Variants in RSU1 observed in about 807,000 individuals in gnomAD.
RSU1 encodes Ras suppressor protein 1.
Under a neutral mutation model 31.1 loss-of-function variants are expected in RSU1, and 26 were observed. That is an observed-to-expected ratio of 0.84 (90% CI 0.61 to 1.16). The LOEUF (loss-of-function observed/expected upper bound fraction) is 1.16. Ranked by LOEUF, RSU1 falls within the 50% of genes most tolerant of loss-of-function variation. RSU1 has a pLI of 0.00. For missense variants in RSU1, 320 were observed against 339.1 expected (o/e 0.94, Z 0.44); for synonymous variants, 164 against 136.3 (o/e 1.20, Z -1.41).
At chr10:16,613,079 C>T (rs544678261) in intron 8 of RSU1, among the ~76,000 whole-genome samples, 3 of 152,272 alleles carry the variant, frequency 2.0e-5, no homozygotes, top group Non-Finnish European at 4.4e-5. Context: ...TTTCCAAAAT[C>T]ATCATCGCCT....
chr10:16,714,061 G>A (rs1262144712), intron 7 of RSU1, among the ~76,000 whole-genome samples: 2 of 152,186 alleles, frequency 1.3e-5, no homozygotes, highest in African/African-American at 4.8e-5. Flanking sequence ...CTGTTGGGCT[G>A]AATATGTATG....
chr10:16,747,016 A>G (rs1246646456), intron 7 of RSU1, among the ~76,000 whole-genome samples: 1 of 152,040 alleles, frequency 6.6e-6, no homozygotes, highest in Non-Finnish European at 1.5e-5. Context: ...CCCAACCCCC[A>G]TCTGTCTCAT....
chr10:16,804,391 G>C (rs11254201), intron 2 of RSU1, among the ~76,000 whole-genome samples: 10,412 of 152,212 alleles, frequency 0.068, 575 homozygotes, highest in African/African-American at 0.15. Flanking sequence ...ACAGCCACTC[G>C]AGAAGACAGC....
At chr10:16,812,583 T>C (rs969831919) in intron 2 of RSU1, among the ~76,000 whole-genome samples, 1 of 152,236 alleles carries the variant, frequency 6.6e-6, no homozygotes, top group South Asian at 2.1e-4. Context: ...AACAAGACTT[T>C]TGAGATAGCT....
intron 2 of RSU1, among the ~76,000 whole-genome samples, chr10:16,785,525 T>TAA (rs199799205): frequency 0.012 from 1,738 of 139,092 alleles, 73 homozygotes; most frequent in African/African-American, 0.046. Flanking sequence ...TATATATATA[T>TAA]AATATTAGTT....
intron 8 of RSU1, among the ~76,000 whole-genome samples, chr10:16,634,312 A>C (rs1169248534): frequency 6.6e-6 from 1 of 152,228 alleles, no homozygotes; most frequent in Non-Finnish European, 1.5e-5. Context: ...GTACTGCAAA[A>C]GTAATAGAGG....
chr10:16,681,140 T>A (rs4748309), intron 8 of RSU1, among the ~76,000 whole-genome samples: 12,037 of 152,272 alleles, frequency 0.079, 878 homozygotes, highest in East Asian at 0.36. Flanking sequence ...CATGAAATTA[T>A]GAGTAAGTTC....
At chr10:16,715,876 A>G (rs1836129481) in intron 7 of RSU1, among the ~76,000 whole-genome samples, 1 of 152,248 alleles carries the variant, frequency 6.6e-6, no homozygotes, top group East Asian at 1.9e-4. Flanking sequence ...CATTAAATCT[A>G]CAGATTGCTT....
chr10:16,660,643 C>CTTTTTTT (rs1483500175), intron 8 of RSU1, among the ~76,000 whole-genome samples: 10 of 47,554 alleles, frequency 2.1e-4, no homozygotes, highest in Non-Finnish European at 2.9e-4. Flanking sequence ...TTCTTGAACT[C>CTTTTTTT]TCTTTTTTTT....
intron 2 of RSU1, among the ~76,000 whole-genome samples, chr10:16,788,234 G>C (rs72771319): frequency 0.03 from 4,580 of 152,262 alleles, 68 homozygotes; most frequent in Non-Finnish European, 0.037. Flanking sequence ...TCTCTCATAG[G>C]CAGTCCAGAG....
chr10:16,644,252 A>G (rs1429390271), intron 8 of RSU1, among the ~76,000 whole-genome samples: 1 of 152,132 alleles, frequency 6.6e-6, no homozygotes, highest in East Asian at 1.9e-4. Context: ...CCCCAATGAA[A>G]ATGACTTACA....
intron 7 of RSU1, among the ~76,000 whole-genome samples, chr10:16,718,982 C>CAAA (rs796946983): frequency 3.6e-5 from 4 of 111,648 alleles, no homozygotes; most frequent in Non-Finnish European, 3.6e-5. Context: ...AACTTCATCT[C>CAAA]AAAAAAAAAA....
intron 7 of RSU1, chr10:16,721,442 A>G (rs1383126896): frequency 6.6e-6 from 1 of 152,266 alleles, no homozygotes; most frequent in Non-Finnish European, 1.5e-5. Flanking sequence ...GGGTGACAGC[A>G]TGAAAGCCAC....
intron 8 of RSU1, among the ~76,000 whole-genome samples, chr10:16,602,208 G>A (rs374791079): frequency 8.5e-5 from 13 of 152,162 alleles, no homozygotes; most frequent in African/African-American, 3.1e-4. Flanking sequence ...CCTACGGGAT[G>A]TATCAGGATC....
chr10:16,731,755 A>G (rs1836516126), intron 7 of RSU1, among the ~76,000 whole-genome samples: 1 of 152,084 alleles, frequency 6.6e-6, no homozygotes, highest in East Asian at 1.9e-4. Context: ...AAGGCTGACC[A>G]GTTTTTTATA....
chr10:16,690,660 G>A (rs1447922547), intron 8 of RSU1, among the ~76,000 whole-genome samples: 1 of 152,184 alleles, frequency 6.6e-6, no homozygotes, highest in African/African-American at 2.4e-5. Context: ...CTATAAATCA[G>A]ATCATCCATC....
intron 8 of RSU1, among the ~76,000 whole-genome samples, chr10:16,682,075 C>T (rs180931650): frequency 1.9e-4 from 29 of 152,270 alleles, no homozygotes; most frequent in Non-Finnish European, 4.0e-4. Flanking sequence ...CCTCTTGATG[C>T]TACCCACCAA....
At chr10:16,595,424 G>A (rs921262319) in intron 8 of RSU1, among the ~76,000 whole-genome samples, 1 of 152,216 alleles carries the variant, frequency 6.6e-6, no homozygotes, top group Non-Finnish European at 1.5e-5. Flanking sequence ...CTCTCACGGA[G>A]TGTAGAACAC....
Position 16,737,072 on chromosome 10 carries a change from A to C in RSU1, c.598+15467T>G, listed in dbSNP as rs74589699. ...TGAAAAGAAACAAAACAAGATAAAA[A>C]GTTTTGTATAAGTGACCTGTGGAAG... On this transcript the variant is annotated intron_variant, in intron 7 of 8. Transcript: ENST00000345264. 5.8e-3 allele frequency among the ~76,000 whole-genome samples: 882 copies of C among 152,134 alleles called. 6 individuals are homozygous for C. The highest frequency in any genetic ancestry group is 0.01 in the Non-Finnish European group (693 of 67,994).
Sources: allele counts gnomAD v4.1 joint callset (sites outside exome capture counted in the v4.1 genomes callset), GRCh38; gene constraint gnomAD v4.1.1; transcripts MANE v1.5; gene names NCBI Gene and HGNC (gene_info 2026-07-23, HGNC 2026-07-21).